PINX1: variants seen among roughly 807,000 people sequenced by gnomAD.
PINX1 encodes the protein PIN2/TERF1-interacting telomerase inhibitor 1.
A neutral mutation model predicts 25.4 loss-of-function variants in PINX1; 34 were observed. That is an observed-to-expected ratio of 1.34 (90% CI 1.02 to 1.78). The LOEUF is 1.78. PINX1 is among the 40% of genes most tolerant of loss of function. PINX1 has a pLI of 0.00. For missense variants in PINX1, 592 were observed against 404.9 expected (o/e 1.46, Z -3.97); for synonymous variants, 197 against 147.7 (o/e 1.33, Z -2.42).
chr8:10,831,889 G>T, intron 3 of PINX1, 146 bp from the exon 4 acceptor site: 1 of 616,668 alleles, frequency 1.6e-6, no homozygotes, highest in Non-Finnish European at 2.9e-6. Flanking sequence ...AAATTTAAGT[G>T]GATTCAAGAA....
At position 10,814,886 on chromosome 8, in the gene PINX1, G is replaced by C. The variant is rs145268937; in HGVS notation, c.471+5307C>G. Among the ~76,000 whole-genome samples, 908 of 152,324 alleles carry C rather than the reference G, an allele frequency of 6.0e-3. 11 individuals are homozygous for C. The highest frequency in any genetic ancestry group is 0.021 in the African/African-American group (870 of 41,572). On this transcript the variant is annotated intron_variant, in intron 6 of 6. Transcript: ENST00000314787. ...TCCTCTCTAAGGTGTTCGCTAGCCA[G>C]TGTATGCCACAAATGAAAAAGTCCA... is the stretch of plus-strand genomic sequence containing the variant.
At chr8:10,798,136 G>A (rs1005072551) in intron 6 of PINX1, among the ~76,000 whole-genome samples, 1 of 152,212 alleles carries the variant, frequency 6.6e-6, no homozygotes, top group Non-Finnish European at 1.5e-5. Flanking sequence ...TGTAGGACAC[G>A]GGTAGGCTGC....
At chr8:10,790,609 C>T (rs1436451835) in intron 6 of PINX1, among the ~76,000 whole-genome samples, 11 of 152,182 alleles carry the variant, frequency 7.2e-5, no homozygotes, top group African/African-American at 1.4e-4. Flanking sequence ...CATGACTCCA[C>T]CAAGCTGCCC....
chr8:10,776,203 A>G (rs1801388153), intron 6 of PINX1, among the ~76,000 whole-genome samples: 1 of 152,120 alleles, frequency 6.6e-6, no homozygotes, highest in African/African-American at 2.4e-5. Context: ...AGGCAGGTGG[A>G]TCACCTAAGA....
rs200391896 is a variant in PINX1, at chr8:10,765,799, C to T, written c.589G>A (p.Val197Ile). The T allele has an allele frequency of 3.1e-6, 5 of 1,613,876 alleles. 1 individual carries two copies. In the African/African-American group the frequency reaches 6.7e-5, roughly 22 times the overall value. ...AALKNKPQVP[V>I]PGSDISETQV... ...GTCTCAGAAATGTCAGACCCTGGAACTGGAACCTGGGGCTTGTTCTTCAGT... is the reference window on the plus strand; with the variant it reads ...GTCTCAGAAATGTCAGACCCTGGAATTGGAACCTGGGGCTTGTTCTTCAGT... The change falls in exon 7 of 7, where the codon GTT becomes ATT. Residue 197 changes from valine (V) to isoleucine (I), a missense_variant. Transcript: ENST00000314787.
At chr8:10,819,931 T>G (rs1797814009) in intron 6 of PINX1, among the ~76,000 whole-genome samples, 2 of 152,174 alleles carry the variant, frequency 1.3e-5, no homozygotes, top group African/African-American at 4.8e-5. Flanking sequence ...TCCCCAAGTT[T>G]AATCTAGTCC....
intron 6 of PINX1, among the ~76,000 whole-genome samples, chr8:10,788,032 G>C (rs1393752627): frequency 6.6e-6 from 1 of 152,176 alleles, no homozygotes; most frequent in Admixed American, 6.5e-5. Context: ...TGTGATAACA[G>C]TACTGTGACT....
At chr8:10,834,566 C>G in intron 2 of PINX1, 100 bp downstream of exon 2, 1 of 1,458,680 alleles carries the variant, frequency 6.9e-7, no homozygotes, top group East Asian at 2.5e-5. Context: ...CTTACTGATC[C>G]AAAGCATAAG....
chr8:10,797,274 A>C (rs1450406960), intron 6 of PINX1, among the ~76,000 whole-genome samples: 2 of 152,208 alleles, frequency 1.3e-5, no homozygotes, highest in African/African-American at 4.8e-5. Context: ...AGAAGGAAAC[A>C]GTGTTTCAAC....
intron 4 of PINX1, among the ~76,000 whole-genome samples, chr8:10,830,957 A>T (rs1379631819): frequency 6.6e-6 from 1 of 152,230 alleles, no homozygotes; most frequent in Admixed American, 6.5e-5. Context: ...CATTACCCAA[A>T]GGAAAGGAAA....
In PINX1 at chr8:10,765,425, C is replaced by G. The variant is rs202072777; in HGVS notation, c.963G>C (p.Lys321Asn). Residue 321 changes from lysine to asparagine, a missense_variant, in exon 7 of 7, where the codon AAG becomes AAC. By Grantham distance (94) the Lys-to-Asn change is moderately conservative. Coordinates refer to ENST00000314787, the MANE Select transcript of PINX1 (RefSeq NM_017884.6). Reference sequence around the variant, plus strand: ...TTCATTTGGAATCTTTCTTCTTCTTCTTTTTCACTAGCGTTTCTTCTAGTG... The same window carrying G: ...TTCATTTGGAATCTTTCTTCTTCTTGTTTTTCACTAGCGTTTCTTCTAGTG... ...DATLEETLVKKKKKKDSK is the reference protein window; with the variant it reads ...DATLEETLVKNKKKKDSK 702 of 1,605,262 alleles carry G rather than the reference C, an allele frequency of 4.4e-4. 1 individual carries two copies. The highest frequency in any genetic ancestry group is 4.9e-4 in the Non-Finnish European group (577 of 1,177,388).
chr8:10,815,551 T>C (rs753939509), intron 6 of PINX1, among the ~76,000 whole-genome samples: 2 of 152,200 alleles, frequency 1.3e-5, no homozygotes, highest in Admixed American at 1.3e-4. Context: ...AAGCTTCTTT[T>C]TGGACCAAGG....
chr8:10,806,144 C>T (rs1385837811), intron 6 of PINX1, among the ~76,000 whole-genome samples: 1 of 135,468 alleles, frequency 7.4e-6, no homozygotes, highest in African/African-American at 2.9e-5. Flanking sequence ...GAGGGGGTGA[C>T]GGAGCACAGG....
At chr8:10,812,439 C>G (rs1447594766) in intron 6 of PINX1, among the ~76,000 whole-genome samples, 4 of 152,206 alleles carry the variant, frequency 2.6e-5, no homozygotes, top group South Asian at 4.1e-4. Context: ...TTAGCTGGGA[C>G]TCTTGCCTGG....
intron 6 of PINX1, among the ~76,000 whole-genome samples, chr8:10,815,235 C>G (rs1586186934): frequency 6.6e-6 from 1 of 152,194 alleles, no homozygotes; most frequent in Non-Finnish European, 1.5e-5. Flanking sequence ...AGCCACTGTG[C>G]CCAGCTAGCA....
At chr8:10,836,441 G>A (rs764872728) in intron 1 of PINX1, among the ~76,000 whole-genome samples, 8 of 152,240 alleles carry the variant, frequency 5.3e-5, no homozygotes, top group Non-Finnish European at 8.8e-5. Context: ...GTGTGTCAGA[G>A]TTCATGTGTC....
intron 6 of PINX1, among the ~76,000 whole-genome samples, chr8:10,778,175 G>T (rs1368281084): frequency 6.6e-6 from 1 of 152,028 alleles, no homozygotes; most frequent in Non-Finnish European, 1.5e-5. Flanking sequence ...AGACTAAGCA[G>T]GGAAATTTTA....
intron 4 of PINX1, among the ~76,000 whole-genome samples, chr8:10,829,285 C>CAAAAAAAA (rs57684473): frequency 2.2e-5 from 2 of 90,516 alleles, no homozygotes; most frequent in African/African-American, 8.1e-5. Context: ...GACTCCATCT[C>CAAAAAAAA]AAAAAAAAAA....
intron 6 of PINX1, among the ~76,000 whole-genome samples, chr8:10,773,403 T>C (rs775735500): frequency 6.6e-6 from 1 of 152,110 alleles, no homozygotes; most frequent in African/African-American, 2.4e-5. Context: ...AAAGAAAAAA[T>C]TTGTTTAAAA....
Sources: gnomAD v4.1 joint callset for allele counts (sites outside exome capture counted in the v4.1 genomes callset) on GRCh38, gnomAD v4.1.1 for gene constraint, MANE v1.5 for transcripts, NCBI Gene and HGNC (gene_info 2026-07-23, HGNC 2026-07-21) for gene names.